The following SEMA5A variants were observed in gnomAD, a reference collection of about 807,000 sequenced individuals.
The protein encoded by SEMA5A is semaphorin 5A, also known as semaphorin-5A.
In SEMA5A, 55 loss-of-function variants were observed where a neutral mutation model predicts 135.5. The ratio of observed to expected loss-of-function variants is 0.41; its 90% CI spans 0.33 to 0.51. SEMA5A has a LOEUF of 0.51. Ranked by LOEUF, SEMA5A falls within the 20% of genes least tolerant of loss-of-function variation. The pLI is 0.37. For missense variants in SEMA5A, 1,290 were observed against 1,419.9 expected, an observed-to-expected ratio of 0.91 and a Z score of 1.47; for synonymous variants, 580 against 546.5, an observed-to-expected ratio of 1.06 and a Z score of -0.85.
chr5:9,507,014 G>A (rs1735921545), intron 1 of SEMA5A, among the ~76,000 whole-genome samples: 1 of 152,158 alleles, frequency 6.6e-6, no homozygotes. Context: ...TCAATTCCTT[G>A]TAGAGCAATG....
intron 9 of SEMA5A, among the ~76,000 whole-genome samples, chr5:9,200,172 A>T (rs911672020): frequency 7.9e-5 from 12 of 152,224 alleles, no homozygotes; most frequent in Non-Finnish European, 1.6e-4. Context: ...CCAGGGAGAA[A>T]GGGGAGATGT....
At chr5:9,043,338 A>G (rs969863122) in intron 22 of SEMA5A, 2 of 242,524 alleles carry the variant, frequency 8.2e-6, no homozygotes, top group Admixed American at 1.0e-4. Context: ...TCAAATTAAC[A>G]GACACTTTGA....
intron 12 of SEMA5A, 104 bp from the exon 13 acceptor site, chr5:9,136,725 T>C (rs1741779497): frequency 3.3e-6 from 3 of 907,820 alleles, no homozygotes; most frequent in South Asian, 1.4e-5. Flanking sequence ...TGGGATTTCT[T>C]ACATATGAAG....
chr5:9,217,662 A>G (rs1448704410), intron 8 of SEMA5A, among the ~76,000 whole-genome samples: 1 of 152,202 alleles, frequency 6.6e-6, no homozygotes, highest in African/African-American at 2.4e-5. Flanking sequence ...ACCTCTTTAC[A>G]TAATCCCACA....
intron 1 of SEMA5A, among the ~76,000 whole-genome samples, chr5:9,526,648 A>C (rs999885212): frequency 1.1e-4 from 16 of 152,178 alleles, no homozygotes; most frequent in African/African-American, 3.6e-4. Context: ...GAAGGTCCGG[A>C]GAAGCCCCGG....
At chr5:9,090,945 A>G (rs1738998678) in intron 16 of SEMA5A, among the ~76,000 whole-genome samples, 1 of 152,188 alleles carries the variant, frequency 6.6e-6, no homozygotes, top group Non-Finnish European at 1.5e-5. Flanking sequence ...ATGTCTGCAA[A>G]GTGCCAGGCT....
chr5:9,093,961 C>T (rs1251624538), intron 16 of SEMA5A, among the ~76,000 whole-genome samples: 1 of 152,104 alleles, frequency 6.6e-6, no homozygotes, highest in Non-Finnish European at 1.5e-5. Flanking sequence ...TGTTGGTGCC[C>T]TTGACCCTCC....
chr5:9,100,349 C>T (rs1739558486), intron 16 of SEMA5A, among the ~76,000 whole-genome samples: 2 of 152,150 alleles, frequency 1.3e-5, no homozygotes, highest in Admixed American at 1.3e-4. Context: ...AGTTCTTTGC[C>T]AGACACATCC....
At chr5:9,427,210 G>A (rs1012266895) in intron 2 of SEMA5A, among the ~76,000 whole-genome samples, 3 of 151,850 alleles carry the variant, frequency 2.0e-5, no homozygotes, top group Non-Finnish European at 2.9e-5. Context: ...ACTCAGAAGG[G>A]TGAGGCAGGA....
intron 4 of SEMA5A, among the ~76,000 whole-genome samples, chr5:9,323,769 C>A (rs1244064498): frequency 2.1e-5 from 3 of 145,454 alleles, no homozygotes; most frequent in Non-Finnish European, 4.5e-5. Context: ...TCATGCAATT[C>A]TCCTGCCTCA....
At chr5:9,542,419 C>T (rs775629748) in intron 1 of SEMA5A, among the ~76,000 whole-genome samples, 6 of 152,194 alleles carry the variant, frequency 3.9e-5, no homozygotes, top group Non-Finnish European at 5.9e-5. Context: ...CTTATAGACG[C>T]TCATTTTATG....
At position 9,119,098 on chromosome 5, in the gene SEMA5A, T is replaced by C. The variant is rs1358158411; in HGVS notation, c.1825A>G (p.Thr609Ala). 3.1e-6 allele frequency: 5 copies of C among 1,613,822 alleles called. No individual in the cohort carries two copies. The highest frequency in any genetic ancestry group is 3.3e-5 in the Admixed American group (2 of 59,994). Reference protein sequence around the residue: ...TPWTSWSPCSTTCGIGFQVRQ... With the variant: ...TPWTSWSPCSATCGIGFQVRQ... ...ACCTGGAAGCCGATCCCACAGGTAG[T>C]GCTGCAGGGAGACCACGAGGTCCAG... The change falls in exon 15 of 23, where the codon ACT (threonine) becomes GCT (alanine). Residue 609 changes from threonine to alanine, a missense_variant. Around this residue, in one of 3 missense-constraint regions of SEMA5A, gnomAD observed 1,029 missense variants for 1,086.6 expected, o/e 0.95. Coordinates refer to ENST00000382496, the MANE Select transcript of SEMA5A (RefSeq NM_003966.3).
At chr5:9,191,215 A>G (rs909499224) in intron 10 of SEMA5A, among the ~76,000 whole-genome samples, 3 of 152,206 alleles carry the variant, frequency 2.0e-5, no homozygotes, top group Non-Finnish European at 4.4e-5. Flanking sequence ...GAGATTTCAG[A>G]TAGAGCAAAT....
At chr5:9,265,453 C>G (rs1238982994) in intron 5 of SEMA5A, 1 of 456,168 alleles carries the variant, frequency 2.2e-6, no homozygotes, top group African/African-American at 2.0e-5. Flanking sequence ...ACTGTAAGGC[C>G]TGCCTCCCAC....
intron 5 of SEMA5A, among the ~76,000 whole-genome samples, chr5:9,313,720 A>G (rs1169186982): frequency 6.6e-6 from 1 of 152,214 alleles, no homozygotes; most frequent in Non-Finnish European, 1.5e-5. Context: ...CAGGCACAGA[A>G]TGGGTTACAA....
At chr5:9,065,331 G>A (rs115934122) in intron 17 of SEMA5A, among the ~76,000 whole-genome samples, 1,756 of 152,276 alleles carry the variant, frequency 0.012, 33 homozygotes, top group African/African-American at 0.04. Context: ...GCTGGTGGCC[G>A]TCACACAGAG....
At position 9,044,418 on chromosome 5, in the gene SEMA5A, G is replaced by A. The variant is rs146468380; in HGVS notation, c.3060C>T (p.Asn1020=). 14 of 1,613,862 alleles carry A rather than the reference G, an allele frequency of 8.7e-6. No homozygotes were observed. Among genetic ancestry groups the A allele is most frequent in the Non-Finnish European group, 8.5e-6 (10 of 1,179,968 alleles). ...CGTACTTGTCCAGTTTGTTGATGTG[G>A]TTGGTTATGCTGGTATTAAGGGGGG... ...SPAPLNTSIT[N]HINKLDKYDS... Residue 1020 remains asparagine (N), a synonymous_variant, in exon 22 of 23, where the codon AAC becomes AAT. Transcript: ENST00000382496.
At chr5:9,061,567 G>T (rs1369890143) in intron 18 of SEMA5A, among the ~76,000 whole-genome samples, 1 of 152,140 alleles carries the variant, frequency 6.6e-6, no homozygotes, top group Admixed American at 6.5e-5. Context: ...AGTTCTGGTG[G>T]AAGTGTTTTA....
At position 9,421,509 on chromosome 5, in the gene SEMA5A, T is replaced by C. The variant is rs143830824; in HGVS notation, c.-78+16247A>G. Among the ~76,000 whole-genome samples, 331 of 152,344 alleles carry C rather than the reference T, an allele frequency of 2.2e-3. 2 individuals carry two copies. The highest frequency in any genetic ancestry group is 6.8e-3 in the Middle Eastern group (2 of 294). Reference sequence around the variant, plus strand: ...ACAATATATATGCCCTCATATATTATATACGGGTGTTTTTCTTTGTATAGT... The same window carrying C: ...ACAATATATATGCCCTCATATATTACATACGGGTGTTTTTCTTTGTATAGT... On this transcript the variant is annotated intron_variant, in intron 2 of 22. Transcript: ENST00000382496.
Sources: gnomAD v4.1 joint callset for allele counts (sites outside exome capture counted in the v4.1 genomes callset) on GRCh38, gnomAD v4.1.1 for gene constraint, gnomAD v4.1.1 regional missense constraint, MANE v1.5 for transcripts, NCBI Gene and HGNC (gene_info 2026-07-23, HGNC 2026-07-21) for gene names.